PHACTR2: variants seen among roughly 807,000 people sequenced by gnomAD.
PHACTR2 encodes the protein phosphatase and actin regulator 2, also known as chromosome 6 open reading frame 56.
A neutral mutation model predicts 76.0 loss-of-function variants in PHACTR2; 30 were observed. The observed-to-expected ratio is 0.39, with a 90% CI of 0.30 to 0.54. The LOEUF (loss-of-function observed/expected upper bound fraction) is 0.54, where lower values mean the gene tolerates loss of function less well. PHACTR2 is among the 20% of genes least tolerant of loss of function. PHACTR2 has a pLI of 0.61. For synonymous variants in PHACTR2, 292 were observed against 292.5 expected (o/e 1.00, Z 0.02); for missense variants, 696 against 781.1 (o/e 0.89, Z 1.30).
At chr6:143,736,848 A>T (rs1778834651) in intron 2 of PHACTR2, among the ~76,000 whole-genome samples, 1 of 151,796 alleles carries the variant, frequency 6.6e-6, no homozygotes, top group Non-Finnish European at 1.5e-5. Flanking sequence ...TGCTGGGATT[A>T]CTGGCGTGAG....
chr6:143,777,047 C>A lies in PHACTR2; in HGVS notation c.1590-281C>A, dbSNP rs995137666. 6.6e-6 allele frequency among the ~76,000 whole-genome samples: 1 copy of A among 151,882 alleles called. No homozygotes were observed. Among genetic ancestry groups the A allele is most frequent in the Non-Finnish European group, 1.5e-5 (1 of 67,948 alleles). On this transcript the variant is annotated intron_variant, in intron 8 of 12. Coordinates refer to ENST00000440869, the MANE Select transcript of PHACTR2 (RefSeq NM_001100164.2). The surrounding 1 kb of genome is among the most constrained non-coding windows in gnomAD (Gnocchi z 4.6). ...GCAGAAACTCAGTCACAGCACGATA[C>A]CTGGCTTCTAGGGAGGCAGAAGTCT...
At chr6:143,576,899 A>AAG (rs1775522671) in intron 1 of PHACTR2, among the ~76,000 whole-genome samples, 1 of 113,730 alleles carries the variant, frequency 8.8e-6, no homozygotes, top group Non-Finnish European at 1.9e-5. Context: ...AAAAAAAAAA[A>AAG]AAAAAAAAAT....
At position 143,678,240 on chromosome 6, in the gene PHACTR2, G is replaced by A. The variant is rs890522750; in HGVS notation, c.46+31G>A. 2.7e-6 allele frequency: 4 copies of A among 1,460,552 alleles called. No homozygotes were observed. The highest frequency in any genetic ancestry group is 3.6e-6 in the Non-Finnish European group (4 of 1,107,574). The allele number at this position is 1,460,552 out of a possible 1,614,324, so 90.5% of individuals were successfully genotyped here. On this transcript the variant is annotated intron_variant, in intron 1 of 12. Coordinates refer to ENST00000440869, the MANE Select transcript of PHACTR2 (RefSeq NM_001100164.2). This position sits in a 1 kb window ranked among gnomAD's most constrained non-coding sequence, Gnocchi z 6.2. ...TCCGGGGCGCACGCGATGCGCTCCC[G>A]CCGCGCGGGCGCAGGGCTGGCGGCG...
At position 143,677,997 on chromosome 6, in the gene PHACTR2, G is replaced by T; in HGVS notation, c.-167G>T. 4 of 1,442,884 alleles carry T rather than the reference G, an allele frequency of 2.8e-6. No individual in the cohort carries two copies. Among genetic ancestry groups the T allele is most frequent in the South Asian group, 1.4e-5 (1 of 72,792 alleles). The allele number at this position is 1,442,884 out of a possible 1,614,324, so 89.4% of individuals were successfully genotyped here. A position where few individuals can be genotyped will look rare whatever the true frequency, so the allele number is the denominator to read the frequency against. ...GGGCAGGATCCGCCGCGCCGGCTGC[G>T]GCCGGCCGGGCTGGGAGACCCGCGC... On this transcript the variant is annotated 5_prime_UTR_variant, in exon 1 of 13. Transcript: ENST00000440869.
In PHACTR2 at chr6:143,722,657, T is replaced by C. The variant is rs1321137034; in HGVS notation, c.214+10474T>C. On this transcript the variant is annotated intron_variant, in intron 2 of 12. Transcript: ENST00000440869. This position sits in a 1 kb window ranked among gnomAD's most constrained non-coding sequence, Gnocchi z 4.1. ...CCACTCTTTTAGTTATTTTGAGATA[T>C]ACAATATTGTTAGCTATAGTCACCC... Among the ~76,000 whole-genome samples the C allele has an allele frequency of 2.6e-5, 4 of 152,200 alleles. No homozygotes were observed. The highest frequency in any genetic ancestry group is 5.9e-5 in the Non-Finnish European group (4 of 68,028).
intron 1 of PHACTR2, among the ~76,000 whole-genome samples, chr6:143,630,644 G>A (rs1776349157): frequency 6.6e-6 from 1 of 152,120 alleles, no homozygotes; most frequent in African/African-American, 2.4e-5. Flanking sequence ...CATCCAACAC[G>A]CTTGGCAAGG....
At chr6:143,735,636 C>T (rs1419764370) in intron 2 of PHACTR2, among the ~76,000 whole-genome samples, 1 of 141,562 alleles carries the variant, frequency 7.1e-6, no homozygotes, top group African/African-American at 2.6e-5. Context: ...TTTAAAAAAA[C>T]TTCAGATGAA....
intron 11 of PHACTR2, among the ~76,000 whole-genome samples, chr6:143,805,693 GCTT>G (rs1242184783): frequency 6.6e-6 from 1 of 152,126 alleles, no homozygotes; most frequent in African/African-American, 2.4e-5. Context: ...TTCTCTGCTT[GCTT>G]CTTCATTTCC....
intron 6 of PHACTR2, among the ~76,000 whole-genome samples, chr6:143,769,878 A>AT (rs1775053123): frequency 6.6e-6 from 1 of 152,116 alleles, no homozygotes; most frequent in Non-Finnish European, 1.5e-5. Flanking sequence ...ACTGTGGAAA[A>AT]TTTTTCCTAT....
In PHACTR2 at chr6:143,719,008, G is replaced by A. The variant is rs910785926; in HGVS notation, c.214+6825G>A. Among the ~76,000 whole-genome samples, 4 of 151,046 alleles carry A rather than the reference G, an allele frequency of 2.6e-5. No homozygotes were observed. The South Asian group carries it at 8.4e-4, about 32-fold the overall frequency. On this transcript the variant is annotated intron_variant, in intron 2 of 12. Coordinates refer to ENST00000440869, the MANE Select transcript of PHACTR2 (RefSeq NM_001100164.2). ...AGTGATTCTCCTGCCTCAGCCTCCT[G>A]AGTAGCAGGGACTACAGGCGTGTGC...
rs1298638251 is a variant in PHACTR2, at chr6:143,671,745, T to C, written c.14-40271T>C. Among the ~76,000 whole-genome samples the C allele has an allele frequency of 6.6e-6, 1 of 152,216 alleles. No individual in the cohort carries two copies. The highest frequency in any genetic ancestry group is 1.5e-5 in the Non-Finnish European group (1 of 68,036). On this transcript the variant is annotated intron_variant, in intron 1 of 11. Coordinates refer to the PHACTR2 transcript ENST00000305766. This position sits in a 1 kb window ranked among gnomAD's most constrained non-coding sequence, Gnocchi z 4.6. ...ACCAATCAATGAGTTATTATTAATA[T>C]AGAACTAGCATATATGTAACACAAT...
chr6:143,551,230 C>T (rs553588977), intron 1 of PHACTR2, among the ~76,000 whole-genome samples: 1 of 152,124 alleles, frequency 6.6e-6, no homozygotes, highest in Admixed American at 6.5e-5. Context: ...CCGAAACCTG[C>T]AGATAGCAAC....
At position 143,753,656 on chromosome 6, in the gene PHACTR2, T is replaced by A. The variant is rs1779234298; in HGVS notation, c.296-98T>A. The A allele has an allele frequency of 1.2e-6, 1 of 809,292 alleles. No homozygotes were observed. The highest frequency in any genetic ancestry group is 2.9e-5 in the Admixed American group (1 of 34,214). The allele number at this position is 809,292 out of a possible 1,614,324, so 50.1% of individuals were successfully genotyped here. On this transcript the variant is annotated intron_variant, in intron 3 of 12. Coordinates refer to ENST00000440869, the MANE Select transcript of PHACTR2 (RefSeq NM_001100164.2). This position sits in a 1 kb window ranked among gnomAD's most constrained non-coding sequence, Gnocchi z 4.6. ...CAGGGTGTATTTGGTTCCCAGGGAC[T>A]GAAACATGAATCTAAATTTTACAAT... is the stretch of plus-strand genomic sequence containing the variant.
chr6:143,560,936 G>C (rs1775262760), intron 1 of PHACTR2, among the ~76,000 whole-genome samples: 1 of 150,168 alleles, frequency 6.7e-6, no homozygotes, highest in Non-Finnish European at 1.5e-5. Flanking sequence ...TTAGGTAGGA[G>C]AGTTGGAGGA....
chr6:143,595,797 AT>A lies in PHACTR2; in HGVS notation c.217+58593del, dbSNP rs1161623773. On this transcript the variant is annotated intron_variant, in intron 1 of 11. Coordinates refer to the PHACTR2 transcript ENST00000367584. The surrounding 1 kb of genome is among the most constrained non-coding windows in gnomAD (Gnocchi z 4.2). ...GAATGTTACCAGAATGTTCTACTTAATTTAGCTTTCCAAAGATAAACACACT... is the reference window on the plus strand; with the variant it reads ...GAATGTTACCAGAATGTTCTACTTAATTAGCTTTCCAAAGATAAACACACT... Among the ~76,000 whole-genome samples the A allele has an allele frequency of 6.6e-6, 1 of 152,224 alleles. No homozygotes were observed. Among genetic ancestry groups the A allele is most frequent in the Non-Finnish European group, 1.5e-5 (1 of 68,038 alleles).
intron 2 of PHACTR2, among the ~76,000 whole-genome samples, chr6:143,725,436 G>A (rs1051276183): frequency 3.3e-5 from 5 of 150,460 alleles, no homozygotes; most frequent in Non-Finnish European, 5.9e-5. Flanking sequence ...TCCTGACCTC[G>A]TGATCCGCCC....
chr6:143,637,014 A>G (rs1440701654), intron 1 of PHACTR2, among the ~76,000 whole-genome samples: 2 of 152,200 alleles, frequency 1.3e-5, no homozygotes, highest in Non-Finnish European at 2.9e-5. Flanking sequence ...GATGCTCTCA[A>G]TCCAGATTCT....
At position 143,583,237 on chromosome 6, in the gene PHACTR2, C is replaced by A. The variant is rs963439544; in HGVS notation, c.217+46030C>A. 6.6e-6 allele frequency among the ~76,000 whole-genome samples: 1 copy of A among 152,164 alleles called. No homozygotes were observed. The highest frequency in any genetic ancestry group is 1.5e-5 in the Non-Finnish European group (1 of 68,026). The stretch of plus-strand genomic sequence containing the variant: ...CACAATCCGTCCATTTCTGGGAACC[C>A]AGAAGATTGAGTCCCTTTTACTAAA... On this transcript the variant is annotated intron_variant, in intron 1 of 11. Transcript: ENST00000367584. This position sits in a 1 kb window ranked among gnomAD's most constrained non-coding sequence, Gnocchi z 4.0.
chr6:143,600,893 G>A (rs1271563673), intron 1 of PHACTR2, among the ~76,000 whole-genome samples: 1 of 152,206 alleles, frequency 6.6e-6, no homozygotes, highest in Non-Finnish European at 1.5e-5. Flanking sequence ...AAGAAGTTGG[G>A]CCTATACATT....
Sources: gnomAD v4.1 joint callset for allele counts (sites outside exome capture counted in the v4.1 genomes callset) on GRCh38, gnomAD v4.1.1 for gene constraint, Gnocchi (gnomAD v3.1) non-coding constraint, MANE v1.5 for transcripts, NCBI Gene and HGNC (gene_info 2026-07-23, HGNC 2026-07-21) for gene names.